Variants in FRMD5 observed in about 807,000 individuals in gnomAD.
FRMD5 encodes the protein FERM domain containing 5.
Under a neutral mutation model 69.0 loss-of-function variants are expected in FRMD5, and 20 were observed. The ratio of observed to expected loss-of-function variants is 0.29; its 90% CI spans 0.20 to 0.42. The LOEUF (loss-of-function observed/expected upper bound fraction) is 0.42. Ranked by LOEUF, FRMD5 falls within the 10% of genes least tolerant of loss-of-function variation. FRMD5 has a pLI of 1.00. For missense variants in FRMD5, 595 were observed against 708.6 expected, an observed-to-expected ratio of 0.84 and a Z score of 1.82; for synonymous variants, 271 against 260.1, an observed-to-expected ratio of 1.04 and a Z score of -0.40.
chr15:44,066,314 A>G (rs1451402157), intron 1 of FRMD5, among the ~76,000 whole-genome samples: 2 of 152,234 alleles, frequency 1.3e-5, no homozygotes, highest in Non-Finnish European at 2.9e-5. Context: ...CTCTGCCTTC[A>G]CAGAATTCAC....
At chr15:43,895,247 AAGG>A (rs1406651549) in intron 7 of FRMD5, among the ~76,000 whole-genome samples, 2 of 152,236 alleles carry the variant, frequency 1.3e-5, no homozygotes, top group Non-Finnish European at 2.9e-5. Flanking sequence ...AGAATGAAAA[AAGG>A]AGAAGTAATT....
At chr15:44,069,106 AG>A (rs1459782358) in intron 1 of FRMD5, among the ~76,000 whole-genome samples, 2 of 152,224 alleles carry the variant, frequency 1.3e-5, no homozygotes, top group African/African-American at 4.8e-5. Flanking sequence ...CATTAAGGAA[AG>A]GCAACTTAAA....
At chr15:43,961,042 T>A (rs1338383995) in intron 1 of FRMD5, among the ~76,000 whole-genome samples, 1 of 151,660 alleles carries the variant, frequency 6.6e-6, no homozygotes, top group Middle Eastern at 3.2e-3. Context: ...AGGCAAGAAA[T>A]AACTAAGATC....
intron 7 of FRMD5, among the ~76,000 whole-genome samples, chr15:43,897,815 G>A (rs1008122464): frequency 6.6e-6 from 1 of 152,132 alleles, no homozygotes; most frequent in Non-Finnish European, 1.5e-5. Flanking sequence ...GAGGGACCTG[G>A]TGGGAGGTGA....
intron 1 of FRMD5, among the ~76,000 whole-genome samples, chr15:44,190,646 C>T (rs971692990): frequency 3.9e-5 from 6 of 152,284 alleles, no homozygotes; most frequent in Admixed American, 3.9e-4. Context: ...CACTAACATA[C>T]TGTACTTCTC....
chr15:44,119,024 G>A (rs551895300), intron 1 of FRMD5, among the ~76,000 whole-genome samples: 20 of 152,188 alleles, frequency 1.3e-4, no homozygotes, highest in Admixed American at 4.6e-4. Flanking sequence ...GTGCAATGGC[G>A]TGATCACAGC....
chr15:43,960,654 G>C (rs573837387), intron 1 of FRMD5, among the ~76,000 whole-genome samples: 2 of 152,316 alleles, frequency 1.3e-5, no homozygotes, highest in South Asian at 2.1e-4. Context: ...AAAGTGCTGG[G>C]ATTACAGGCG....
intron 1 of FRMD5, among the ~76,000 whole-genome samples, chr15:43,945,078 C>T (rs763094052): frequency 2.6e-5 from 4 of 152,038 alleles, no homozygotes; most frequent in East Asian, 1.9e-4. Context: ...TGTGCCATAG[C>T]GCCCGGCAGG....
intron 1 of FRMD5, among the ~76,000 whole-genome samples, chr15:44,122,378 C>T (rs559260057): frequency 4.6e-5 from 7 of 151,728 alleles, no homozygotes; most frequent in East Asian, 3.9e-4. Flanking sequence ...GCCTGGGCAA[C>T]GTGGCAAAAC....
intron 1 of FRMD5, among the ~76,000 whole-genome samples, chr15:44,151,572 T>C (rs1275173998): frequency 6.6e-6 from 1 of 151,982 alleles, no homozygotes; most frequent in Non-Finnish European, 1.5e-5. Flanking sequence ...AAAGATTCAT[T>C]GGATGAAACT....
chr15:43,992,922 T>TG (rs1889755867), intron 1 of FRMD5, among the ~76,000 whole-genome samples: 1 of 152,176 alleles, frequency 6.6e-6, no homozygotes, highest in Admixed American at 6.5e-5. Flanking sequence ...CCCTTAGCAC[T>TG]GCTTTTGGTG....
intron 1 of FRMD5, among the ~76,000 whole-genome samples, chr15:44,068,343 G>A (rs755855715): frequency 6.6e-6 from 1 of 152,166 alleles, no homozygotes; most frequent in Non-Finnish European, 1.5e-5. Flanking sequence ...CAACTTAAAT[G>A]TCTATCACTT....
chr15:43,928,755 C>T (rs1375386712), intron 1 of FRMD5, among the ~76,000 whole-genome samples: 1 of 152,204 alleles, frequency 6.6e-6, no homozygotes, highest in African/African-American at 2.4e-5. Flanking sequence ...GGCACTGTGG[C>T]TAAACTGTGC....
At chr15:44,048,353 T>C (rs1013350459) in intron 1 of FRMD5, among the ~76,000 whole-genome samples, 3 of 152,208 alleles carry the variant, frequency 2.0e-5, no homozygotes, top group Admixed American at 1.3e-4. Context: ...TGGCCATTTT[T>C]GTAACTTGTT....
intron 1 of FRMD5, among the ~76,000 whole-genome samples, chr15:44,172,480 C>A (rs1002288130): frequency 2.0e-5 from 3 of 151,970 alleles, no homozygotes; most frequent in African/African-American, 4.8e-5. Context: ...TATAAATAAC[C>A]AAGAGGTAAT....
chr15:44,144,405 G>C (rs2077323865), intron 1 of FRMD5, among the ~76,000 whole-genome samples: 1 of 152,120 alleles, frequency 6.6e-6, no homozygotes, highest in Admixed American at 6.6e-5. Context: ...ATGGATAGTG[G>C]GTAGAGCCAA....
intron 1 of FRMD5, among the ~76,000 whole-genome samples, chr15:43,957,965 G>C (rs2090140734): frequency 6.6e-6 from 1 of 152,104 alleles, no homozygotes; most frequent in Admixed American, 6.5e-5. Context: ...AACTCCACAA[G>C]GTATATATCA....
At chr15:44,048,676 G>A (rs557442136) in intron 1 of FRMD5, among the ~76,000 whole-genome samples, 7 of 152,082 alleles carry the variant, frequency 4.6e-5, no homozygotes, top group Admixed American at 1.3e-4. Flanking sequence ...AGGTTCAAGC[G>A]ATTCTTGTGC....
chr15:43,997,986 G>C (rs1211617067), intron 1 of FRMD5, among the ~76,000 whole-genome samples: 1 of 152,048 alleles, frequency 6.6e-6, no homozygotes, highest in Non-Finnish European at 1.5e-5. Context: ...TATACAACAT[G>C]ATGTTATATT....
Sources: allele counts gnomAD v4.1 joint callset (sites outside exome capture counted in the v4.1 genomes callset), GRCh38; gene constraint gnomAD v4.1.1; transcripts MANE v1.5; gene names NCBI Gene and HGNC (gene_info 2026-07-23, HGNC 2026-07-21).